The following TESK2 variants were observed in gnomAD, a reference collection of about 807,000 sequenced individuals.
TESK2 encodes the protein dual specificity testis-specific protein kinase 2.
A neutral mutation model predicts 57.1 loss-of-function variants in TESK2; 39 were observed. That is an observed-to-expected ratio of 0.68 (90% CI 0.53 to 0.89). The LOEUF is 0.89. TESK2 is among the 40% of genes least tolerant of loss of function. TESK2 has a pLI of 0.00. For synonymous variants in TESK2, 249 were observed against 267.9 expected (o/e 0.93, Z 0.69); for missense variants, 646 against 732.1 (o/e 0.88, Z 1.36).
At chr1:45,436,874 T>C (rs1165426003) in intron 2 of TESK2, among the ~76,000 whole-genome samples, 2 of 150,768 alleles carry the variant, frequency 1.3e-5, no homozygotes, top group East Asian at 3.9e-4. Flanking sequence ...CTCGGCTCAC[T>C]GCAACCTCTG....
chr1:45,376,847 G>C (rs1221550320), intron 4 of TESK2, among the ~76,000 whole-genome samples: 2 of 152,144 alleles, frequency 1.3e-5, no homozygotes, highest in Non-Finnish European at 2.9e-5. Flanking sequence ...ATTTAGAATA[G>C]GAAACATAAT....
intron 3 of TESK2, among the ~76,000 whole-genome samples, chr1:45,398,520 C>T (rs1649454538): frequency 6.6e-6 from 1 of 152,026 alleles, no homozygotes; most frequent in East Asian, 1.9e-4. Context: ...GCACTCCAGC[C>T]TGGGTGACAG....
intron 3 of TESK2, among the ~76,000 whole-genome samples, chr1:45,394,778 C>T (rs1228031677): frequency 1.4e-5 from 2 of 144,132 alleles, no homozygotes; most frequent in African/African-American, 5.1e-5. Context: ...TGCACCTCTG[C>T]CTCCTGAGTT....
chr1:45,416,968 A>G (rs943023448), intron 3 of TESK2, among the ~76,000 whole-genome samples: 4 of 150,836 alleles, frequency 2.7e-5, no homozygotes, highest in African/African-American at 9.8e-5. Context: ...TTGTATTTTT[A>G]GTAGAGATGG....
chr1:45,421,655 T>A, intron 3 of TESK2, 70 bp downstream of exon 3: 1 of 1,587,498 alleles, frequency 6.3e-7, no homozygotes. Context: ...TTTTTTCCTA[T>A]TAGTGCTATT....
intron 2 of TESK2, among the ~76,000 whole-genome samples, chr1:45,448,326 G>A (rs1388721724): frequency 6.6e-6 from 1 of 151,550 alleles, no homozygotes; most frequent in Non-Finnish European, 1.5e-5. Flanking sequence ...TATACAGATG[G>A]CAAGTAAGTA....
At chr1:45,436,800 T>TC in intron 2 of TESK2, among the ~76,000 whole-genome samples, 1 of 38,850 alleles carries the variant, frequency 2.6e-5, no homozygotes, top group East Asian at 6.4e-4. Context: ...CATTAGTATC[T>TC]TTTTTTTTTT....
chr1:45,415,701 C>A (rs997237970), intron 3 of TESK2, among the ~76,000 whole-genome samples: 8 of 152,158 alleles, frequency 5.3e-5, no homozygotes, highest in Admixed American at 2.0e-4. Flanking sequence ...TTTAATTAAT[C>A]TTCAATAACA....
chr1:45,433,319 T>A (rs1651060466), intron 2 of TESK2, among the ~76,000 whole-genome samples: 1 of 152,034 alleles, frequency 6.6e-6, no homozygotes, highest in Non-Finnish European at 1.5e-5. Flanking sequence ...CCTCAAGTGA[T>A]CTGCCCTCCT....
chr1:45,390,668 T>G (rs2149276487), intron 3 of TESK2, among the ~76,000 whole-genome samples: 1 of 150,024 alleles, frequency 6.7e-6, no homozygotes, highest in South Asian at 2.1e-4. Context: ...CTTGAACTTC[T>G]GGGCTCAAGC....
rs751005757 is a variant in TESK2, at chr1:45,367,403, CT to C, written c.394-11955del. The stretch of plus-strand genomic sequence containing the variant: ...GGGCATCATTTGGTTCCTCGTTCTC[CT>C]TTTTTTTTTTTTTTGAGATGGAGTC... On this transcript the variant is annotated intron_variant, in intron 4 of 10. Transcript: ENST00000372086. 4.2e-3 allele frequency among the ~76,000 whole-genome samples: 601 copies of C among 141,592 alleles called. 4 individuals are homozygous for C. Among genetic ancestry groups the C allele is most frequent in the South Asian group, 0.012 (55 of 4,460 alleles). 92.9% of individuals were successfully genotyped at this position (141,592 alleles called of 152,430 possible). A position where few individuals can be genotyped will look rare whatever the true frequency, so the allele number is the denominator to read the frequency against.
chr1:45,346,838 G>C, intron 8 of TESK2, 59 bp from the exon 9 acceptor site: 1 of 1,561,266 alleles, frequency 6.4e-7, no homozygotes, highest in Non-Finnish European at 8.8e-7. Flanking sequence ...ACCCATCCTA[G>C]CCTGCTCAGT....
intron 2 of TESK2, among the ~76,000 whole-genome samples, chr1:45,445,364 C>T (rs1271976640): frequency 1.3e-5 from 2 of 152,132 alleles, no homozygotes; most frequent in Non-Finnish European, 2.9e-5. Flanking sequence ...TATTTCTCTG[C>T]TGCAACTCCT....
intron 4 of TESK2, among the ~76,000 whole-genome samples, chr1:45,366,941 C>G (rs546468578): frequency 6.6e-6 from 1 of 152,180 alleles, no homozygotes; most frequent in Non-Finnish European, 1.5e-5. Flanking sequence ...CGAGACCAGC[C>G]TGGGTAACAT....
chr1:45,368,765 T>G (rs1648058257), intron 4 of TESK2, among the ~76,000 whole-genome samples: 1 of 151,990 alleles, frequency 6.6e-6, no homozygotes, highest in African/African-American at 2.4e-5. Flanking sequence ...GTTTGTTTTT[T>G]GAGATGGAGT....
At chr1:45,361,785 T>G (rs889147884) in intron 4 of TESK2, among the ~76,000 whole-genome samples, 2 of 152,196 alleles carry the variant, frequency 1.3e-5, no homozygotes, top group Non-Finnish European at 2.9e-5. Context: ...ATTCAGGTTA[T>G]TTCTACAAAC....
At position 45,397,458 on chromosome 1, in the gene TESK2, T is replaced by C. The variant is rs1309880382; in HGVS notation, c.345-11498A>G. Among the ~76,000 whole-genome samples, 6 of 152,200 alleles carry C rather than the reference T, an allele frequency of 3.9e-5. No homozygotes were observed. The East Asian group carries it at 1.2e-3, about 29-fold the overall frequency. On this transcript the variant is annotated intron_variant, in intron 3 of 10. Coordinates refer to ENST00000372086, the MANE Select transcript of TESK2 (RefSeq NM_007170.3). The stretch of plus-strand genomic sequence containing the variant: ...GAGAAACTGCTACTCAAAAAGCTTT[T>C]GTGGCAGCTTACAGATCCCGATTAA...
rs531569648 is a variant in TESK2, at chr1:45,345,548, C to A, written c.1008G>T (p.Glu336Asp). Residue 336 changes from glutamate (E) to aspartate (D), a missense_variant, in exon 11 of 11, where the codon GAG becomes GAT. By Grantham distance (45) the Glu-to-Asp change is conservative (BLOSUM62 2). Transcript: ENST00000372086. The part of the protein sequence containing the change: ...KLQPTARGLL[E>D]KAPGVKRLSS... ...TTAGTCGCTTCACCCCAGGTGCTTTCTCCAAGAGTCCTGAAGAATAATCAA... is the reference window on the plus strand; with the variant it reads ...TTAGTCGCTTCACCCCAGGTGCTTTATCCAAGAGTCCTGAAGAATAATCAA... 6.2e-7 allele frequency: 1 copy of A among 1,613,168 alleles called. No homozygotes were observed. Among genetic ancestry groups the A allele is most frequent in the African/African-American group, 1.3e-5 (1 of 75,000 alleles).
chr1:45,396,088 T>C (rs375811642), intron 3 of TESK2, among the ~76,000 whole-genome samples: 1 of 152,050 alleles, frequency 6.6e-6, no homozygotes, highest in African/African-American at 2.4e-5. Context: ...GATTCTTCAC[T>C]GGGTAAATTT....
Sources: gnomAD v4.1 joint callset for allele counts (sites outside exome capture counted in the v4.1 genomes callset) on GRCh38, gnomAD v4.1.1 for gene constraint, MANE v1.5 for transcripts, NCBI Gene and HGNC (gene_info 2026-07-23, HGNC 2026-07-21) for gene names.